KLHL12: variants seen among roughly 807,000 people sequenced by gnomAD.
The protein encoded by KLHL12 is kelch like family member 12.
In KLHL12, 17 loss-of-function variants were observed where a neutral mutation model predicts 60.8. That is an observed-to-expected ratio of 0.28 (90% confidence interval 0.19 to 0.42). The LOEUF (loss-of-function observed/expected upper bound fraction) is 0.42. Among genes scored for constraint, KLHL12 ranks in the 10% least tolerant of loss-of-function variants. The pLI is 1.00. For synonymous variants in KLHL12, 220 were observed against 250.9 expected (o/e 0.88, Z 1.16); for missense variants, 468 against 722.3 (o/e 0.65, Z 4.04).
intron 6 of KLHL12, among the ~76,000 whole-genome samples, chr1:202,899,858 A>T (rs537814682): frequency 1.6e-4 from 24 of 152,020 alleles, no homozygotes; most frequent in African/African-American, 4.3e-4. Flanking sequence ...AATAAATAAA[A>T]AAATCAAAGC....
In KLHL12 at chr1:202,893,925, A is replaced by G. The variant is rs1659751632; in HGVS notation, c.1393+259T>C. Among the ~76,000 whole-genome samples the G allele has an allele frequency of 6.6e-6, 1 of 152,242 alleles. No homozygotes were observed. Among genetic ancestry groups the G allele is most frequent in the Admixed American group, 6.5e-5 (1 of 15,288 alleles). ...TTTATTTAACAGATATTTATTAAGCATGTACTACACAGGCAAAATTGTACT... is the reference window on the plus strand; with the variant it reads ...TTTATTTAACAGATATTTATTAAGCGTGTACTACACAGGCAAAATTGTACT... On this transcript the variant is annotated intron_variant, in intron 10 of 11. Transcript: ENST00000367261. The surrounding 1 kb of genome is among the most constrained non-coding windows in gnomAD (Gnocchi z 4.1).
At chr1:202,899,854 TA>T (rs1232567754) in intron 6 of KLHL12, among the ~76,000 whole-genome samples, 2 of 149,874 alleles carry the variant, frequency 1.3e-5, no homozygotes, top group Non-Finnish European at 3.0e-5. Flanking sequence ...TAATAATAAA[TA>T]AAAAAATCAA....
intron 6 of KLHL12, among the ~76,000 whole-genome samples, chr1:202,903,260 T>C (rs2102419747): frequency 6.6e-6 from 1 of 150,546 alleles, no homozygotes; most frequent in Middle Eastern, 3.5e-3. Context: ...AGGTGCCAAC[T>C]CATTCTACTT....
intron 4 of KLHL12, among the ~76,000 whole-genome samples, chr1:202,915,467 C>A (rs147096150): frequency 1.6e-3 from 243 of 152,210 alleles, no homozygotes; most frequent in African/African-American, 5.4e-3. Context: ...AGTCTTGACA[C>A]ACACTTAAAA....
intron 2 of KLHL12, among the ~76,000 whole-genome samples, chr1:202,921,638 G>A (rs1264868485): frequency 6.6e-6 from 1 of 152,158 alleles, no homozygotes; most frequent in Non-Finnish European, 1.5e-5. Flanking sequence ...ATTGTTAGTA[G>A]TATATCTTCT....
At chr1:202,922,765 C>T (rs574136835) in intron 2 of KLHL12, among the ~76,000 whole-genome samples, 2 of 151,996 alleles carry the variant, frequency 1.3e-5, no homozygotes, top group Non-Finnish European at 2.9e-5. Context: ...GGATTACAGG[C>T]GTGAGCCACC....
upstream of KLHL12, among the ~76,000 whole-genome samples, chr1:202,928,045 C>T (rs1176845342): frequency 1.3e-5 from 2 of 150,384 alleles, no homozygotes; most frequent in African/African-American, 2.4e-5. Context: ...TTTGGGAGGC[C>T]GAGACGGGTG....
At position 202,909,136 on chromosome 1, in the gene KLHL12, C is replaced by T. The variant is rs964572474; in HGVS notation, c.718-12G>A. ...CAGCGGATGAAAGGCTGAAATATAG[C>T]AGACAGCAGAGTTAGGCACTGGGGA... is the stretch of plus-strand genomic sequence containing the variant. On this transcript the variant is annotated splice_polypyrimidine_tract_variant and intron_variant, in intron 5 of 11. Coordinates refer to ENST00000367261, the MANE Select transcript of KLHL12 (RefSeq NM_021633.4). The surrounding 1 kb of genome is among the most constrained non-coding windows in gnomAD (Gnocchi z 4.1). 2.6e-6 allele frequency: 4 copies of T among 1,563,134 alleles called. No homozygotes were observed. Among genetic ancestry groups the T allele is most frequent in the Admixed American group, 3.3e-5 (2 of 59,874 alleles).
At chr1:202,927,674 TAAAA>T (rs748842460), upstream of KLHL12, among the ~76,000 whole-genome samples, 2 of 75,428 alleles carry the variant, frequency 2.7e-5, no homozygotes, top group Non-Finnish European at 4.8e-5. Flanking sequence ...TGAGACCCTG[TAAAA>T]AAAAAAAAAA....
intron 6 of KLHL12, among the ~76,000 whole-genome samples, chr1:202,903,629 C>CTTTTTTCTTTTTTT (rs1553236587): frequency 3.9e-5 from 3 of 76,092 alleles, no homozygotes; most frequent in South Asian, 1.1e-3. Flanking sequence ...TTTTTCTTTT[C>CTTTTTTCTTTTTTT]TTTTTTTTTT....
chr1:202,903,624 C>CTTCTCTTTTTTTTTT (rs1660086878), intron 6 of KLHL12, among the ~76,000 whole-genome samples: 1 of 24,482 alleles, frequency 4.1e-5, no homozygotes, highest in Non-Finnish European at 1.1e-4. Flanking sequence ...TAATTTTTTT[C>CTTCTCTTTTTTTTTT]TTTTCTTTTT....
At chr1:202,919,695 A>G (rs986769482) in intron 3 of KLHL12, 60 bp downstream of exon 3, 1 of 1,488,816 alleles carries the variant, frequency 6.7e-7, no homozygotes, top group Middle Eastern at 1.9e-4. Context: ...TTACACTATT[A>G]ATTTTCAACC....
chr1:202,897,467 G>A (rs896623820), intron 6 of KLHL12, among the ~76,000 whole-genome samples: 4 of 151,680 alleles, frequency 2.6e-5, no homozygotes, highest in East Asian at 1.9e-4. Context: ...CAAGTGATCC[G>A]CCAGCCTCGA....
chr1:202,924,668 C>T lies in KLHL12; in HGVS notation c.195+300G>A, dbSNP rs559261851. On this transcript the variant is annotated intron_variant, in intron 2 of 11. Transcript: ENST00000367261. ...GACAAATTTAAGAAATAGTAAAATC[C>T]AATAGCTGACATGTGTGTTTTACTA... 2.0e-5 allele frequency among the ~76,000 whole-genome samples: 3 copies of T among 152,134 alleles called. No homozygotes were observed. The South Asian group carries it at 6.2e-4, about 32-fold the overall frequency.
In KLHL12 at chr1:202,891,346, T is replaced by A. The variant is rs1408644062; in HGVS notation, c.*1187A>T. ...ATGTTGATAGCTGAGGTACTGAAAC[T>A]AACAAAAGGATTTTGGTTGTCCTTG... On this transcript the variant is annotated 3_prime_UTR_variant, in exon 12 of 12. Transcript: ENST00000367261. 6.6e-6 allele frequency: 1 copy of A among 152,610 alleles called. No individual in the cohort carries two copies. The highest frequency in any genetic ancestry group is 1.5e-5 in the Non-Finnish European group (1 of 68,028). 9.5% of individuals were successfully genotyped at this position (152,610 alleles called of 1,614,324 possible). A position where few individuals can be genotyped will look rare whatever the true frequency, so the allele number is the denominator to read the frequency against.
chr1:202,892,606 T>G lies in KLHL12; in HGVS notation c.1634A>C (p.Asp545Ala). Residue 545 changes from aspartate (D) to alanine (A), a missense_variant, in exon 12 of 12, where the codon GAC (aspartate) becomes GCC (alanine). Asp to Ala is a moderately radical substitution (Grantham distance 126). Coordinates refer to ENST00000367261, the MANE Select transcript of KLHL12 (RefSeq NM_021633.4). ...CATGGATGTCACGACTTCCCAGCTG[T>G]CGATGATAGGGTCATAACATTCAAT... ...SSIECYDPII[D>A]SWEVVTSMGT... is the part of the protein sequence containing the mutation. 1 of 1,614,170 alleles carries G rather than the reference T, an allele frequency of 6.2e-7. No individual in the cohort carries two copies. The highest frequency in any genetic ancestry group is 8.5e-7 in the Non-Finnish European group (1 of 1,180,014).
At chr1:202,928,521 A>G, upstream of KLHL12, 1 of 1,304,430 alleles carries the variant, frequency 7.7e-7, no homozygotes, top group Non-Finnish European at 1.0e-6. Context: ...GAGAAAACCC[A>G]CAGAGGCCTC....
At chr1:202,918,035 AGGAG>A in intron 4 of KLHL12, 132 bp downstream of exon 4, 1 of 689,044 alleles carries the variant, frequency 1.5e-6, no homozygotes, top group Non-Finnish European at 2.5e-6. Context: ...AATTTGGTAC[AGGAG>A]GGGTTAATGA....
chr1:202,926,976 G>A, intron 1 of KLHL12, 113 bp downstream of exon 1: 2 of 807,304 alleles, frequency 2.5e-6, no homozygotes, highest in Non-Finnish European at 3.0e-6. Flanking sequence ...CCTCTGTTGG[G>A]CATGTCTCCC....
Sources: gnomAD v4.1 joint callset for allele counts (sites outside exome capture counted in the v4.1 genomes callset) on GRCh38, gnomAD v4.1.1 for gene constraint, Gnocchi (gnomAD v3.1) non-coding constraint, MANE v1.5 for transcripts, NCBI Gene and HGNC (gene_info 2026-07-23, HGNC 2026-07-21) for gene names.